CASZ1: variants seen among roughly 807,000 people sequenced by gnomAD.
CASZ1 encodes the protein castor zinc finger 1.
A neutral mutation model predicts 135.2 loss-of-function variants in CASZ1; 28 were observed. That is an observed-to-expected ratio of 0.21 (90% confidence interval 0.15 to 0.28). CASZ1 has a LOEUF of 0.28. Among genes scored for constraint, CASZ1 ranks in the 10% least tolerant of loss-of-function variants. The pLI is 1.00. For missense variants in CASZ1, 2,161 were observed against 2,453.3 expected (o/e 0.88, Z 2.52); for synonymous variants, 1,068 against 1,073.4 (o/e 0.99, Z 0.10).
chr1:10,778,505 C>T (rs1640702262), intron 1 of CASZ1, among the ~76,000 whole-genome samples: 2 of 152,132 alleles, frequency 1.3e-5, no homozygotes, highest in Admixed American at 1.3e-4. Flanking sequence ...AACACAGTCA[C>T]TCACACAATC....
At chr1:10,743,992 C>G (rs1287899921) in intron 2 of CASZ1, among the ~76,000 whole-genome samples, 1 of 152,050 alleles carries the variant, frequency 6.6e-6, no homozygotes, top group Non-Finnish European at 1.5e-5. Flanking sequence ...TAGCATATTG[C>G]TGTTAAAATG....
rs544345726 is a variant in CASZ1, at chr1:10,712,610, C to T, written c.-76-7066G>A. On this transcript the variant is annotated intron_variant, in intron 2 of 20. Transcript: ENST00000377022. ...TTTCCCCCTCTGCTTGAGAATCCAC[C>T]ATCCGAGTGGGGCTCCCGGGGCTCC... Among the ~76,000 whole-genome samples, 19 of 152,182 alleles carry T rather than the reference C, an allele frequency of 1.2e-4. 1 individual carries two copies. The highest frequency in any genetic ancestry group is 3.4e-3 in the Middle Eastern group (1 of 294).
At chr1:10,738,334 C>T (rs896548034) in intron 2 of CASZ1, among the ~76,000 whole-genome samples, 2 of 152,220 alleles carry the variant, frequency 1.3e-5, no homozygotes, top group African/African-American at 4.8e-5. Flanking sequence ...GGCAGGAAAC[C>T]CGGAAGGACG....
In CASZ1 at chr1:10,725,987, G is replaced by A. The variant is rs184870017; in HGVS notation, c.-76-20443C>T. Among the ~76,000 whole-genome samples the A allele has an allele frequency of 7.5e-4, 114 of 152,232 alleles. 2 individuals carry two copies. The highest frequency in any genetic ancestry group is 2.5e-3 in the African/African-American group (105 of 41,538). On this transcript the variant is annotated intron_variant, in intron 2 of 20. Coordinates refer to ENST00000377022, the MANE Select transcript of CASZ1 (RefSeq NM_001079843.3). The surrounding 1 kb of genome is among the most constrained non-coding windows in gnomAD (Gnocchi z 4.4). ...CACCTCAGTGCACTAGGAAATAATG[G>A]TAATAGCAATAATAATGACAGCTAG... is the stretch of plus-strand genomic sequence containing the variant.
intron 1 of CASZ1, among the ~76,000 whole-genome samples, chr1:10,789,603 G>T (rs1254375497): frequency 6.7e-6 from 1 of 149,838 alleles, no homozygotes; most frequent in South Asian, 2.1e-4. Context: ...CTTTCTCTAC[G>T]TGTCTTTTCC....
At chr1:10,779,761 C>T (rs1057168163) in intron 1 of CASZ1, among the ~76,000 whole-genome samples, 15 of 152,310 alleles carry the variant, frequency 9.8e-5, no homozygotes, top group Middle Eastern at 3.4e-3. Context: ...TTCCATGTTT[C>T]GAAACCATCC....
Position 10,646,009 on chromosome 1 carries a change from A to C in CASZ1, c.3696+119T>G. The C allele has an allele frequency of 1.0e-6, 1 of 996,516 alleles. No homozygotes were observed. The highest frequency in any genetic ancestry group is 1.5e-6 in the Non-Finnish European group (1 of 652,478). 61.7% of individuals were successfully genotyped at this position (996,516 alleles called of 1,614,324 possible). ...TTTCCAGAGTCCGGGAGGCCCATTT[A>C]AATAAGCAAGGTGTGAGAAATGGAG... On this transcript the variant is annotated intron_variant, in intron 17 of 20. Coordinates refer to ENST00000377022, the MANE Select transcript of CASZ1 (RefSeq NM_001079843.3). This position sits in a 1 kb window ranked among gnomAD's most constrained non-coding sequence, Gnocchi z 6.4.
In CASZ1 at chr1:10,676,751, G is replaced by A. The variant is rs755919966; in HGVS notation, c.17-11180C>T. ...TGGACGCCTTTGCTGGTTCCTCCACGTCCCAGCCACACAGGCCAGCAGGAG... is the reference window on the plus strand; with the variant it reads ...TGGACGCCTTTGCTGGTTCCTCCACATCCCAGCCACACAGGCCAGCAGGAG... On this transcript the variant is annotated intron_variant, in intron 4 of 20. Transcript: ENST00000377022. This position sits in a 1 kb window ranked among gnomAD's most constrained non-coding sequence, Gnocchi z 4.5. 2.6e-5 allele frequency among the ~76,000 whole-genome samples: 4 copies of A among 152,186 alleles called. No individual in the cohort carries two copies. Among genetic ancestry groups the A allele is most frequent in the African/African-American group, 4.8e-5 (2 of 41,454 alleles).
In CASZ1 at chr1:10,720,196, G is replaced by A. The variant is rs372560863; in HGVS notation, c.-76-14652C>T. Among the ~76,000 whole-genome samples, 32 of 152,338 alleles carry A rather than the reference G, an allele frequency of 2.1e-4. No homozygotes were observed. Among genetic ancestry groups the A allele is most frequent in the Admixed American group, 1.4e-3 (22 of 15,306 alleles). On this transcript the variant is annotated intron_variant, in intron 2 of 20. Transcript: ENST00000377022. This position sits in a 1 kb window ranked among gnomAD's most constrained non-coding sequence, Gnocchi z 5.7. Reference sequence around the variant, plus strand: ...AATGCACGCGATGATCGTGCCTGTCGCAGGGGGCTGTGGTGAGGGTTTGGG... The same window carrying A: ...AATGCACGCGATGATCGTGCCTGTCACAGGGGGCTGTGGTGAGGGTTTGGG...
rs555172025 is a variant in CASZ1 at position 10,696,512 on chromosome 1, C to T, written c.-23-2600G>A. 6.6e-5 allele frequency among the ~76,000 whole-genome samples: 10 copies of T among 152,346 alleles called. No individual in the cohort carries two copies. The East Asian group carries it at 1.7e-3, about 26-fold the overall frequency. On this transcript the variant is annotated intron_variant, in intron 3 of 20. Transcript: ENST00000377022. ...CAGAGAGGGCATCTGTGTCCAGGAC[C>T]GCTGTGGGGTATACACATGCCTCTG...
At chr1:10,749,874 G>A (rs750700737) in intron 2 of CASZ1, among the ~76,000 whole-genome samples, 22 of 152,270 alleles carry the variant, frequency 1.4e-4, no homozygotes, top group Non-Finnish European at 2.8e-4. Context: ...CTCCCCAGAA[G>A]GGCACCGAGT....
chr1:10,640,071 C>G lies in CASZ1; in HGVS notation c.4163-12G>C, dbSNP rs766786573. ...AGAGATGGTGTTCCCTGGGGAGGGG[C>G]AGGGAGGTCAGTGCAGAAGAGGGAC... On this transcript the variant is annotated splice_polypyrimidine_tract_variant and intron_variant, in intron 20 of 20. Coordinates refer to ENST00000377022, the MANE Select transcript of CASZ1 (RefSeq NM_001079843.3). The G allele has an allele frequency of 6.3e-7, 1 of 1,597,576 alleles. No homozygotes were observed.
At chr1:10,667,804 G>C (rs55957723) in intron 4 of CASZ1, among the ~76,000 whole-genome samples, 6 of 146,716 alleles carry the variant, frequency 4.1e-5, no homozygotes, top group East Asian at 4.4e-4. Context: ...CCCCCTCCCC[G>C]GGCCCCCACC....
rs928780142 is a variant in CASZ1, at chr1:10,759,194, C to T, written c.-77+1507G>A. 2.6e-5 allele frequency among the ~76,000 whole-genome samples: 4 copies of T among 152,200 alleles called. No homozygotes were observed. Among genetic ancestry groups the T allele is most frequent in the African/African-American group, 9.7e-5 (4 of 41,446 alleles). On this transcript the variant is annotated intron_variant, in intron 2 of 20. Coordinates refer to ENST00000377022, the MANE Select transcript of CASZ1 (RefSeq NM_001079843.3). This position sits in a 1 kb window ranked among gnomAD's most constrained non-coding sequence, Gnocchi z 4.2. ...TTCATGGGCAGGGCACAGGGCAGGG[C>T]TGGGCAAGACCACCCTGAGGCTTGC... is the stretch of plus-strand genomic sequence containing the variant.
Position 10,756,954 on chromosome 1 carries a change from A to G in CASZ1, c.-77+3747T>C, listed in dbSNP as rs1315595478. On this transcript the variant is annotated intron_variant, in intron 2 of 20. Coordinates refer to ENST00000377022, the MANE Select transcript of CASZ1 (RefSeq NM_001079843.3). The surrounding 1 kb of genome is among the most constrained non-coding windows in gnomAD (Gnocchi z 5.9). Reference sequence around the variant, plus strand: ...GAAACTCAGCCAACTTTTAGACCCAATCTCAGACCCAGCACAGAACCCAGG... The same window carrying G: ...GAAACTCAGCCAACTTTTAGACCCAGTCTCAGACCCAGCACAGAACCCAGG... 1.3e-5 allele frequency among the ~76,000 whole-genome samples: 2 copies of G among 152,118 alleles called. No homozygotes were observed. The highest frequency in any genetic ancestry group is 4.8e-5 in the African/African-American group (2 of 41,428).
chr1:10,737,025 G>A (rs1639812062), intron 2 of CASZ1, among the ~76,000 whole-genome samples: 1 of 152,310 alleles, frequency 6.6e-6, no homozygotes, highest in East Asian at 1.9e-4. Context: ...AGGAAGAGAA[G>A]GCCCTTGGCA....
intron 4 of CASZ1, among the ~76,000 whole-genome samples, chr1:10,685,671 G>A (rs1238653784): frequency 2.0e-5 from 3 of 150,124 alleles, no homozygotes; most frequent in South Asian, 2.1e-4. Flanking sequence ...CTCAGCCCCC[G>A]GGCACGAAGC....
Position 10,639,821 on chromosome 1 carries a change from C to CG in CASZ1, c.4400_4401insC (p.Lys1467AsnfsTer360). On this transcript the variant is annotated frameshift_variant, in exon 21 of 21. Coordinates refer to ENST00000377022, the MANE Select transcript of CASZ1 (RefSeq NM_001079843.3). LOFTEE classifies it high-confidence loss of function. This position sits in a 1 kb window ranked among gnomAD's most constrained non-coding sequence, Gnocchi z 4.0. Reference sequence around the variant, plus strand: ...TGTACATGTGCGTGCGCCCGCAGAACTTGTAGCCGCAGTTCTCGCGCGTGC... The same window carrying CG: ...TGTACATGTGCGTGCGCCCGCAGAACGTTGTAGCCGCAGTTCTCGCGCGTGC... 6.2e-7 allele frequency: 1 copy of CG among 1,610,534 alleles called. No homozygotes were observed. The highest frequency in any genetic ancestry group is 8.5e-7 in the Non-Finnish European group (1 of 1,178,910).
chr1:10,641,166 G>A (rs925030648), intron 20 of CASZ1, among the ~76,000 whole-genome samples: 1 of 152,250 alleles, frequency 6.6e-6, no homozygotes, highest in Non-Finnish European at 1.5e-5. Context: ...GGACAAAAAC[G>A]GAGAGAGACT....
Sources: gnomAD v4.1 joint callset for allele counts (sites outside exome capture counted in the v4.1 genomes callset) on GRCh38, gnomAD v4.1.1 for gene constraint, Gnocchi (gnomAD v3.1) non-coding constraint, MANE v1.5 for transcripts, NCBI Gene and HGNC (gene_info 2026-07-23, HGNC 2026-07-21) for gene names.